Variants in TRIM16 observed in about 807,000 individuals in gnomAD.
The protein encoded by TRIM16 is tripartite motif containing 16, also known as tripartite motif-containing protein 16.
In TRIM16, 33 loss-of-function variants were observed where a neutral mutation model predicts 50.4. The ratio of observed to expected loss-of-function variants is 0.65; its 90% CI spans 0.50 to 0.88. The LOEUF (loss-of-function observed/expected upper bound fraction) is 0.88. Ranked by LOEUF, TRIM16 falls within the 40% of genes least tolerant of loss-of-function variation. TRIM16 has a pLI of 0.00. For missense variants in TRIM16, 581 were observed against 686.8 expected (o/e 0.85, Z 1.72); for synonymous variants, 229 against 270.7 (o/e 0.85, Z 1.51).
rs558638120 is a variant in TRIM16 at position 15,628,663 on chromosome 17, T to C, written c.1647A>G (p.Gly549=). ...KENAIRIVDL[G]EEPEKPAPSL... ...ACGGTGCTGGCTTCTCGGGTTCCTCTCCCAGATCTACAATCCGGATGGCGT... is the reference window on the plus strand; with the variant it reads ...ACGGTGCTGGCTTCTCGGGTTCCTCCCCCAGATCTACAATCCGGATGGCGT... The change falls in exon 12 of 12, where the codon GGA becomes GGG. Residue 549 remains glycine (G), a synonymous_variant. Coordinates refer to ENST00000649191, the MANE Select transcript of TRIM16 (RefSeq NM_001348119.1). The C allele has an allele frequency of 8.1e-6, 13 of 1,613,894 alleles. No homozygotes were observed. In the Admixed American group the frequency reaches 2.0e-4, roughly 25 times the overall value.
intron 7 of TRIM16, among the ~76,000 whole-genome samples, chr17:15,645,631 A>G (rs1027959464): frequency 6.6e-6 from 1 of 152,114 alleles, no homozygotes; most frequent in Non-Finnish European, 1.5e-5. Context: ...TAAAGCTGCG[A>G]GTCATTATGC....
chr17:15,664,631 A>C (rs1032915511), intron 6 of TRIM16, among the ~76,000 whole-genome samples: 5 of 152,226 alleles, frequency 3.3e-5, no homozygotes, highest in African/African-American at 7.2e-5. Flanking sequence ...TCTCAGAGCT[A>C]GACAGACTAC....
chr17:15,648,244 A>C (rs1386504190), intron 7 of TRIM16, among the ~76,000 whole-genome samples: 15 of 146,284 alleles, frequency 1.0e-4, no homozygotes, highest in East Asian at 2.0e-4. Context: ...AAAAAAACAA[A>C]AAACAAACAA....
At chr17:15,629,220 G>A (rs1356725937) in intron 11 of TRIM16, 22 bp from the exon 12 acceptor site, 1 of 1,571,630 alleles carries the variant, frequency 6.4e-7, no homozygotes, top group Non-Finnish European at 8.7e-7. Context: ...CAGAAGGCAG[G>A]AGAGTGGTTC....
intron 6 of TRIM16, among the ~76,000 whole-genome samples, chr17:15,668,568 C>T (rs1230826046): frequency 1.3e-5 from 2 of 152,154 alleles, no homozygotes; most frequent in East Asian, 1.9e-4. Context: ...CTCAGGCCCT[C>T]GTTCCTTCCT....
chr17:15,651,250 G>A lies in TRIM16; in HGVS notation c.360C>T (p.Thr120=), dbSNP rs773415380. The part of the protein sequence containing the change: ...VNIKLQSHLL[T]EPVKDHNWRY... ...GCCAGTTGTGGTCCTTCACTGGCTC[G>A]GTCAGCAGGTGGCTTTGCAGTTTGA... The change falls in exon 7 of 12, where the codon ACC becomes ACT. Residue 120 remains threonine, a synonymous_variant. Coordinates refer to ENST00000649191, the MANE Select transcript of TRIM16 (RefSeq NM_001348119.1). The A allele has an allele frequency of 2.0e-5, 33 of 1,613,688 alleles. No homozygotes were observed. The highest frequency in any genetic ancestry group is 1.7e-4 in the Middle Eastern group (1 of 6,052).
chr17:15,653,248 C>T (rs1438810134), intron 6 of TRIM16, among the ~76,000 whole-genome samples: 2 of 152,230 alleles, frequency 1.3e-5, no homozygotes, highest in African/African-American at 4.8e-5. Flanking sequence ...ATGGAAGCGG[C>T]CTGAGGCCCT....
At chr17:15,670,537 AC>A (rs1324249591) in intron 6 of TRIM16, among the ~76,000 whole-genome samples, 1 of 152,052 alleles carries the variant, frequency 6.6e-6, no homozygotes, top group Non-Finnish European at 1.5e-5. Flanking sequence ...CACTGCCCTC[AC>A]CCCAAATAGC....
intron 10 of TRIM16, chr17:15,632,125 A>G (rs922377591): frequency 6.7e-6 from 2 of 297,430 alleles, no homozygotes; most frequent in African/African-American, 2.2e-5. Context: ...ACGGTGGCTC[A>G]CACCTGTAAT....
intron 6 of TRIM16, among the ~76,000 whole-genome samples, chr17:15,655,604 T>G (rs927647743): frequency 5.3e-5 from 8 of 151,704 alleles, no homozygotes; most frequent in African/African-American, 1.7e-4. Context: ...AGACGGAGTA[T>G]CGCTCTGTCG....
At chr17:15,676,681 C>T (rs981314365) in intron 6 of TRIM16, among the ~76,000 whole-genome samples, 2 of 151,996 alleles carry the variant, frequency 1.3e-5, no homozygotes, top group Non-Finnish European at 2.9e-5. Context: ...GTGATCCGCC[C>T]GCCTCGGCCT....
At chr17:15,639,850 A>T (rs150417945) in intron 8 of TRIM16, among the ~76,000 whole-genome samples, 4 of 148,756 alleles carry the variant, frequency 2.7e-5, no homozygotes, top group Non-Finnish European at 6.0e-5. Context: ...TGCCAGGTAT[A>T]GGCTCTGCAG....
chr17:15,655,388 T>C (rs1987925720), intron 6 of TRIM16, among the ~76,000 whole-genome samples: 1 of 152,160 alleles, frequency 6.6e-6, no homozygotes, highest in South Asian at 2.1e-4. Context: ...TTCCCACCCT[T>C]TCTTCTCTCA....
chr17:15,665,313 T>G (rs1988442492), intron 6 of TRIM16, among the ~76,000 whole-genome samples: 2 of 151,906 alleles, frequency 1.3e-5, no homozygotes, highest in African/African-American at 2.4e-5. Context: ...ATCGAGACCA[T>G]CCTGGCTAAC....
intron 6 of TRIM16, among the ~76,000 whole-genome samples, chr17:15,654,823 T>A (rs1401871295): frequency 1.3e-5 from 2 of 152,168 alleles, no homozygotes; most frequent in Non-Finnish European, 2.9e-5. Context: ...TCGGGCTCAG[T>A]CTTTTTGGAT....
At chr17:15,648,947 T>C (rs1477931702) in intron 7 of TRIM16, among the ~76,000 whole-genome samples, 1 of 152,176 alleles carries the variant, frequency 6.6e-6, no homozygotes, top group Non-Finnish European at 1.5e-5. Context: ...CCTAAAGCCA[T>C]GTTGCTTTTC....
intron 8 of TRIM16, among the ~76,000 whole-genome samples, chr17:15,639,035 TTC>T (rs1204651107): frequency 2.5e-4 from 35 of 137,694 alleles, no homozygotes; most frequent in African/African-American, 9.3e-4. Context: ...TCTCCCTACA[TTC>T]TCTCTCTCTT....
intron 6 of TRIM16, among the ~76,000 whole-genome samples, chr17:15,670,614 A>G (rs1988685318): frequency 6.6e-6 from 1 of 152,158 alleles, no homozygotes; most frequent in Non-Finnish European, 1.5e-5. Context: ...GGCCCATATT[A>G]TATATTCAAA....
chr17:15,647,643 C>T (rs1987461659), intron 7 of TRIM16, among the ~76,000 whole-genome samples: 1 of 152,166 alleles, frequency 6.6e-6, no homozygotes, highest in Admixed American at 6.5e-5. Flanking sequence ...GGGTATGTGC[C>T]TTGGCTTCCT....
Sources: allele counts gnomAD v4.1 joint callset (sites outside exome capture counted in the v4.1 genomes callset), GRCh38; gene constraint gnomAD v4.1.1; transcripts MANE v1.5; gene names NCBI Gene and HGNC (gene_info 2026-07-23, HGNC 2026-07-21).